Variants in DNAH8 observed in about 807,000 individuals in gnomAD.
DNAH8 encodes the protein dynein axonemal heavy chain 8.
In DNAH8, 382 loss-of-function variants were observed where a neutral mutation model predicts 562.1. The observed-to-expected ratio is 0.68, with a 90% CI of 0.63 to 0.74. DNAH8 has a LOEUF of 0.74. DNAH8 is among the 30% of genes least tolerant of loss of function. The probability of loss-of-function intolerance (pLI) is 0.00; values close to 1 mark genes in which losing one functional copy is unlikely to be tolerated. For missense variants in DNAH8, 5,203 were observed against 5,620.4 expected (o/e 0.93, Z 2.37); for synonymous variants, 1,881 against 1,919.4 (o/e 0.98, Z 0.52).
intron 71 of DNAH8, among the ~76,000 whole-genome samples, chr6:38,922,657 T>C (rs912799538): frequency 2.0e-4 from 31 of 152,192 alleles, no homozygotes; most frequent in Admixed American, 1.9e-3. Flanking sequence ...TACATGCTAT[T>C]GTTGTCTGGG....
At chr6:38,730,409 A>T (rs1253417763) in intron 4 of DNAH8, among the ~76,000 whole-genome samples, 1 of 152,150 alleles carries the variant, frequency 6.6e-6, no homozygotes, top group Non-Finnish European at 1.5e-5. Context: ...CCTACTGTGC[A>T]TATTATGCCT....
rs752157308 is a variant in DNAH8 at position 38,982,333 on chromosome 6, T to C, written c.12835-13T>C. 1.7e-5 allele frequency: 21 copies of C among 1,222,616 alleles called. No homozygotes were observed. Among genetic ancestry groups the C allele is most frequent in the Non-Finnish European group, 2.2e-5 (18 of 824,640 alleles). The allele number at this position is 1,222,616 out of a possible 1,614,324, so 75.7% of individuals were successfully genotyped here. On this transcript the variant is annotated splice_polypyrimidine_tract_variant and intron_variant, in intron 85 of 92. Coordinates refer to ENST00000327475, the MANE Select transcript of DNAH8 (RefSeq NM_001206927.2). ...GGTACATGCAATACTTACTTTTCTT[T>C]GGTGTTTTTAAGGAGCGACGAAAAT...
chr6:38,870,031 C>T (rs769220238), intron 48 of DNAH8, among the ~76,000 whole-genome samples: 4 of 152,214 alleles, frequency 2.6e-5, no homozygotes, highest in Non-Finnish European at 4.4e-5. Flanking sequence ...CACGTCTTTA[C>T]ATGGCGGCAG....
In DNAH8 at chr6:38,995,243, T is replaced by C. The variant is rs189680075; in HGVS notation, c.13214+5071T>C. ...AATGGATTTCCTAACTCAAATTTTC[T>C]ACAGATAATCTGAAATTAATACCAC... On this transcript the variant is annotated intron_variant, in intron 88 of 92. Transcript: ENST00000327475. 1.2e-3 allele frequency among the ~76,000 whole-genome samples: 184 copies of C among 152,316 alleles called. 2 individuals are homozygous for C. Among genetic ancestry groups the C allele is most frequent in the African/African-American group, 4.0e-3 (166 of 41,580 alleles).
intron 57 of DNAH8, among the ~76,000 whole-genome samples, chr6:38,888,723 T>A (rs1460232990): frequency 1.3e-5 from 2 of 152,106 alleles, no homozygotes; most frequent in Middle Eastern, 3.2e-3. Context: ...AAATAAAAAA[T>A]TCTGACAAAA....
At chr6:39,016,646 A>T (rs1434831744) in intron 91 of DNAH8, among the ~76,000 whole-genome samples, 1 of 152,234 alleles carries the variant, frequency 6.6e-6, no homozygotes, top group Non-Finnish European at 1.5e-5. Context: ...TATATGCAGT[A>T]ATCAAAATCA....
At chr6:38,749,626 T>C (rs971974071) in intron 8 of DNAH8, among the ~76,000 whole-genome samples, 31 of 152,120 alleles carry the variant, frequency 2.0e-4, no homozygotes, top group African/African-American at 7.2e-4. Context: ...GATGATATGG[T>C]AAATGTCTTC....
intron 87 of DNAH8, among the ~76,000 whole-genome samples, chr6:38,986,114 C>G (rs190625462): frequency 3.3e-5 from 5 of 152,336 alleles, no homozygotes; most frequent in African/African-American, 1.2e-4. Flanking sequence ...CAGAATCCTG[C>G]TCCTGAGTAT....
chr6:38,896,051 T>C lies in DNAH8; in HGVS notation c.8766T>C (p.Asp2922=). ...VIADRFITPE[D]EQWFNAHLTR... ...CTTTCAGATTTATAACTCCTGAAGA[T>C]GAGCAGTGGTTTAATGCACATCTTA... is the stretch of plus-strand genomic sequence containing the variant. Residue 2922 remains aspartate (D), a synonymous_variant, in exon 60 of 93, where the codon GAT becomes GAC. Transcript: ENST00000327475. 1.2e-6 allele frequency: 2 copies of C among 1,611,836 alleles called. No homozygotes were observed. Among genetic ancestry groups the C allele is most frequent in the Non-Finnish European group, 1.7e-6 (2 of 1,179,380 alleles).
At chr6:38,958,541 A>G (rs930338106) in intron 82 of DNAH8, among the ~76,000 whole-genome samples, 2 of 151,444 alleles carry the variant, frequency 1.3e-5, no homozygotes, top group Non-Finnish European at 2.9e-5. Flanking sequence ...TAAATGGATA[A>G]ATTTCTGGAC....
chr6:38,776,002 G>A, intron 13 of DNAH8, 51 bp downstream of exon 13: 1 of 1,077,874 alleles, frequency 9.3e-7, no homozygotes, highest in Non-Finnish European at 1.4e-6. Flanking sequence ...GTAGTCAGTA[G>A]TACTATCTGG....
chr6:38,877,435 G>T (rs1236771305), intron 53 of DNAH8, among the ~76,000 whole-genome samples: 1 of 152,150 alleles, frequency 6.6e-6, no homozygotes, highest in Non-Finnish European at 1.5e-5. Context: ...TTAACAAAAG[G>T]TTGACAACAA....
chr6:38,834,040 C>G (rs1165277738), intron 31 of DNAH8, among the ~76,000 whole-genome samples: 4 of 152,110 alleles, frequency 2.6e-5, no homozygotes, highest in Non-Finnish European at 5.9e-5. Context: ...TCATAGCCAC[C>G]AGACACTGCT....
chr6:38,717,355 A>C (rs1453581021), intron 1 of DNAH8, among the ~76,000 whole-genome samples: 1 of 151,964 alleles, frequency 6.6e-6, no homozygotes, highest in Non-Finnish European at 1.5e-5. Flanking sequence ...ATAGGTTCTC[A>C]CTCTGTCACC....
intron 83 of DNAH8, 90 bp from the exon 84 acceptor site, chr6:38,973,571 A>T: frequency 9.8e-7 from 1 of 1,023,978 alleles, no homozygotes; most frequent in Non-Finnish European, 1.4e-6. Context: ...GAGTATTCAC[A>T]TGGTTTTTAA....
intron 53 of DNAH8, among the ~76,000 whole-genome samples, chr6:38,877,720 G>A (rs1778135169): frequency 6.6e-6 from 1 of 152,096 alleles, no homozygotes; most frequent in Non-Finnish European, 1.5e-5. Flanking sequence ...AACATCTTTG[G>A]AGAAGACTTC....
chr6:38,858,514 C>G (rs1464757965), intron 42 of DNAH8, among the ~76,000 whole-genome samples: 3 of 152,134 alleles, frequency 2.0e-5, no homozygotes, highest in Admixed American at 6.5e-5. Flanking sequence ...CCCCTGCAAC[C>G]CAGATCCTTG....
rs1257055245 is a variant in DNAH8 at position 38,722,774 on chromosome 6, A to G, written c.-34-2A>G. ...TTAAACGAACCTATGTTATAATTCT[A>G]GGTTTCGAAGTATAAAGCATTCCGC... is the stretch of plus-strand genomic sequence containing the variant. On this transcript the variant is annotated splice_acceptor_variant, in intron 1 of 92. Coordinates refer to ENST00000327475, the MANE Select transcript of DNAH8 (RefSeq NM_001206927.2). LOFTEE classifies it low-confidence loss of function (5UTR_SPLICE). 7.9e-6 allele frequency: 12 copies of G among 1,522,894 alleles called. No individual in the cohort carries two copies. Among genetic ancestry groups the G allele is most frequent in the Non-Finnish European group, 1.1e-5 (12 of 1,137,086 alleles). The allele number at this position is 1,522,894 out of a possible 1,614,324, so 94.3% of individuals were successfully genotyped here.
intron 18 of DNAH8, 32 bp from the exon 19 acceptor site, chr6:38,789,770 TA>T: frequency 6.7e-7 from 1 of 1,487,602 alleles, no homozygotes; most frequent in Non-Finnish European, 9.3e-7. Flanking sequence ...TAAAATGAAT[TA>T]AAATAAAACA....
Sources: gnomAD v4.1 joint callset for allele counts (sites outside exome capture counted in the v4.1 genomes callset) on GRCh38, gnomAD v4.1.1 for gene constraint, MANE v1.5 for transcripts, NCBI Gene and HGNC (gene_info 2026-07-23, HGNC 2026-07-21) for gene names.